The following XKR3 variants were observed in gnomAD, a reference collection of about 807,000 sequenced individuals.
XKR3 encodes XK-related protein 3.
Under a neutral mutation model 40.3 loss-of-function variants are expected in XKR3, and 27 were observed. The observed-to-expected ratio is 0.67, with a 90% CI of 0.49 to 0.92. The LOEUF is 0.92. XKR3 is among the 40% of genes least tolerant of loss of function. The pLI, the probability that XKR3 is intolerant of heterozygous loss-of-function variation, is 0.00. For missense variants in XKR3, 472 were observed against 537.6 expected (o/e 0.88, Z 1.21); for synonymous variants, 193 against 195.4 (o/e 0.99, Z 0.10).
chr22:16,825,157 T>G (rs1192706388), intron 1 of XKR3, among the ~76,000 whole-genome samples, 134 bp downstream of exon 1: 1 of 152,054 alleles, frequency 6.6e-6, no homozygotes, highest in Non-Finnish European at 1.5e-5. Context: ...GAGAGGGAGT[T>G]TCTAGGCTCA....
chr22:16,815,674 C>T (rs2060230322), intron 1 of XKR3, among the ~76,000 whole-genome samples: 1 of 151,864 alleles, frequency 6.6e-6, no homozygotes, highest in South Asian at 2.1e-4. Context: ...CATTTATATA[C>T]ATATAAAAGG....
At chr22:16,801,918 G>A (rs2070736056) in intron 2 of XKR3, among the ~76,000 whole-genome samples, 1 of 152,150 alleles carries the variant, frequency 6.6e-6, no homozygotes, top group Admixed American at 6.5e-5. Flanking sequence ...TAAATGGTCT[G>A]GAGCCCATTT....
At chr22:16,819,498 A>C (rs2060247193) in intron 1 of XKR3, among the ~76,000 whole-genome samples, 1 of 152,140 alleles carries the variant, frequency 6.6e-6, no homozygotes, top group Admixed American at 6.6e-5. Flanking sequence ...TGGCAAACAC[A>C]AATCAGTGGA....
At chr22:16,824,719 T>C (rs1054663874) in intron 1 of XKR3, among the ~76,000 whole-genome samples, 1 of 152,164 alleles carries the variant, frequency 6.6e-6, no homozygotes, top group African/African-American at 2.4e-5. Context: ...TTAATGCAGA[T>C]TGCACCTTTC....
At chr22:16,798,964 A>G (rs891341081) in intron 3 of XKR3, among the ~76,000 whole-genome samples, 2 of 152,196 alleles carry the variant, frequency 1.3e-5, no homozygotes, top group African/African-American at 4.8e-5. Context: ...CAATATTCCC[A>G]TGTAACAAGC....
chr22:16,790,853 G>A (rs1277417598), intron 3 of XKR3, among the ~76,000 whole-genome samples: 1 of 149,382 alleles, frequency 6.7e-6, no homozygotes, highest in Non-Finnish European at 1.5e-5. Context: ...ATCCTGGTTG[G>A]AACAGCCATT....
intron 3 of XKR3, among the ~76,000 whole-genome samples, chr22:16,787,250 T>C (rs1336181036): frequency 2.0e-5 from 3 of 151,136 alleles, no homozygotes; most frequent in Non-Finnish European, 4.4e-5. Flanking sequence ...AAAGAACAAA[T>C]GTATTAGTCA....
intron 1 of XKR3, among the ~76,000 whole-genome samples, chr22:16,822,914 G>A (rs2060262473): frequency 6.6e-6 from 1 of 152,036 alleles, no homozygotes; most frequent in Admixed American, 6.6e-5. Context: ...GACATGATCT[G>A]CCCTTGTCAC....
chr22:16,787,329 C>T (rs1423206485), intron 3 of XKR3, among the ~76,000 whole-genome samples: 8 of 151,948 alleles, frequency 5.3e-5, no homozygotes, highest in Non-Finnish European at 1.2e-4. Context: ...GAGGCGGAGG[C>T]GGGTGGATCA....
intron 2 of XKR3, 81 bp downstream of exon 2, chr22:16,807,658 C>T: frequency 8.2e-7 from 1 of 1,220,898 alleles, no homozygotes; most frequent in Non-Finnish European, 1.1e-6. Context: ...ATAATTATGG[C>T]ATCCTTAATC....
At chr22:16,796,479 C>T (rs1351894666) in intron 3 of XKR3, among the ~76,000 whole-genome samples, 1 of 152,150 alleles carries the variant, frequency 6.6e-6, no homozygotes, top group Admixed American at 6.5e-5. Context: ...CAAACTGGAT[C>T]TCACAGTGCA....
chr22:16,784,518 T>G (rs2060081929), intron 3 of XKR3, 109 bp from the exon 4 acceptor site: 1 of 1,009,352 alleles, frequency 9.9e-7, no homozygotes, highest in African/African-American at 1.6e-5. Flanking sequence ...CCACCTCCTT[T>G]AGAAAATCAT....
At chr22:16,821,768 C>T (rs993565743) in intron 1 of XKR3, 2 of 151,844 alleles carry the variant, frequency 1.3e-5, no homozygotes, top group South Asian at 2.1e-4. Flanking sequence ...TAGGAAACCT[C>T]GTGCTTCAAT....
At chr22:16,820,332 T>C (rs1192200548) in intron 1 of XKR3, among the ~76,000 whole-genome samples, 2 of 152,208 alleles carry the variant, frequency 1.3e-5, no homozygotes, top group Non-Finnish European at 2.9e-5. Flanking sequence ...TTAGCAGGTA[T>C]AATTGGAAGA....
intron 1 of XKR3, among the ~76,000 whole-genome samples, chr22:16,810,807 T>C (rs1261075771): frequency 2.6e-5 from 4 of 152,190 alleles, no homozygotes; most frequent in Non-Finnish European, 4.4e-5. Context: ...CTTTTACATA[T>C]CTTCTACCAT....
chr22:16,818,550 C>A (rs986581616), intron 1 of XKR3, among the ~76,000 whole-genome samples: 1 of 152,046 alleles, frequency 6.6e-6, no homozygotes, highest in Non-Finnish European at 1.5e-5. Flanking sequence ...TACACAAAAC[C>A]GTTCTATGGA....
intron 3 of XKR3, among the ~76,000 whole-genome samples, chr22:16,785,822 T>C (rs2060087979): frequency 6.6e-6 from 1 of 152,118 alleles, no homozygotes; most frequent in African/African-American, 2.4e-5. Context: ...GACTCCAGCC[T>C]GGGCGACAGA....
At chr22:16,786,256 G>GCGCACACACACA (rs1555895915) in intron 3 of XKR3, among the ~76,000 whole-genome samples, 37 of 148,706 alleles carry the variant, frequency 2.5e-4, no homozygotes, top group East Asian at 8.1e-4. Context: ...CAAAACGCGT[G>GCGCACACACACA]CACACACACA....
chr22:16,806,884 C>CA (rs936322642), intron 2 of XKR3, among the ~76,000 whole-genome samples: 6 of 151,234 alleles, frequency 4.0e-5, no homozygotes, highest in East Asian at 1.9e-4. Context: ...GAAAACACAC[C>CA]AAAAAAAACC....
Sources: gnomAD v4.1 joint callset for allele counts (sites outside exome capture counted in the v4.1 genomes callset) on GRCh38, gnomAD v4.1.1 for gene constraint, MANE v1.5 for transcripts, NCBI Gene and HGNC (gene_info 2026-07-23, HGNC 2026-07-21) for gene names.